The following OXR1 variants were observed in gnomAD, a reference collection of about 807,000 sequenced individuals.
OXR1 encodes the protein oxidation resistance 1.
A neutral mutation model predicts 104.6 loss-of-function variants in OXR1; 41 were observed. That is an observed-to-expected ratio of 0.39 (90% CI 0.31 to 0.51). The LOEUF (loss-of-function observed/expected upper bound fraction) is 0.51, where lower values mean the gene tolerates loss of function less well. Ranked by LOEUF, OXR1 falls within the 20% of genes least tolerant of loss-of-function variation. The pLI, the probability that OXR1 is intolerant of heterozygous loss-of-function variation, is 0.77. For synonymous variants in OXR1, 348 were observed against 348.4 expected (o/e 1.00, Z 0.01); for missense variants, 955 against 1,031.9 (o/e 0.93, Z 1.02).
chr8:106,638,153 C>T (rs987252252), intron 3 of OXR1, among the ~76,000 whole-genome samples: 5 of 152,168 alleles, frequency 3.3e-5, no homozygotes, highest in African/African-American at 1.2e-4. Context: ...AGTCCAGCCT[C>T]CTTAGGCTGA....
intron 2 of OXR1, among the ~76,000 whole-genome samples, chr8:106,402,824 CT>C (rs1382552098): frequency 1.3e-5 from 2 of 151,974 alleles, no homozygotes; most frequent in African/African-American, 4.8e-5. Context: ...TCTTTCTTTT[CT>C]TTTTTTTCTT....
intron 2 of OXR1, among the ~76,000 whole-genome samples, chr8:106,445,758 C>A (rs749845707): frequency 6.6e-6 from 1 of 152,172 alleles, no homozygotes; most frequent in Non-Finnish European, 1.5e-5. Flanking sequence ...ATTCGTACTG[C>A]GAGGCTTTAG....
At chr8:106,738,299 C>T (rs1433929485) in intron 12 of OXR1, among the ~76,000 whole-genome samples, 1 of 151,862 alleles carries the variant, frequency 6.6e-6, no homozygotes, top group African/African-American at 2.4e-5. Context: ...TCTAATGCTG[C>T]CTTGGGTTTC....
Position 106,417,332 on chromosome 8 carries a change from A to G in OXR1, c.23+57696A>G, listed in dbSNP as rs1167776290. On this transcript the variant is annotated intron_variant, in intron 2 of 16. Transcript: ENST00000517566. ...AAATGTGACATGGTTATGAGGATAA[A>G]TTGTGCAAATAACAGAGAATGTACA... 2.6e-5 allele frequency among the ~76,000 whole-genome samples: 4 copies of G among 152,140 alleles called. No individual in the cohort carries two copies. The East Asian group carries it at 7.7e-4, about 29-fold the overall frequency.
intron 7 of OXR1, among the ~76,000 whole-genome samples, chr8:106,693,354 AG>A (rs1396700792): frequency 2.6e-5 from 4 of 151,732 alleles, no homozygotes; most frequent in African/African-American, 9.7e-5. Context: ...CAAAACAGGA[AG>A]GGTTCATAGG....
chr8:106,421,216 A>G (rs1818891512), intron 2 of OXR1, among the ~76,000 whole-genome samples: 1 of 152,160 alleles, frequency 6.6e-6, no homozygotes, highest in South Asian at 2.1e-4. Context: ...CACATTCTAT[A>G]GAACACTAGT....
intron 3 of OXR1, among the ~76,000 whole-genome samples, chr8:106,628,060 G>GA (rs1269747359): frequency 1.3e-5 from 2 of 152,042 alleles, no homozygotes; most frequent in East Asian, 3.9e-4. Flanking sequence ...AAAATTCATT[G>GA]GTTCTCTCCT....
At chr8:106,547,426 A>T (rs1257516196) in intron 3 of OXR1, among the ~76,000 whole-genome samples, 3 of 151,322 alleles carry the variant, frequency 2.0e-5, no homozygotes, top group African/African-American at 7.3e-5. Flanking sequence ...TGGCTTATTC[A>T]GTTAGTATAA....
intron 3 of OXR1, among the ~76,000 whole-genome samples, chr8:106,554,065 A>G (rs577198026): frequency 4.7e-4 from 72 of 152,238 alleles, no homozygotes; most frequent in African/African-American, 1.6e-3. Flanking sequence ...TTGAGTTACC[A>G]TGGGTTGCTG....
At chr8:106,446,139 A>G (rs1051189859) in intron 2 of OXR1, among the ~76,000 whole-genome samples, 1 of 152,186 alleles carries the variant, frequency 6.6e-6, no homozygotes, top group African/African-American at 2.4e-5. Flanking sequence ...CAACCCTGAT[A>G]CCCTCTAGAA....
At position 106,750,521 on chromosome 8, in the gene OXR1, G is replaced by T. The variant is rs556354406; in HGVS notation, c.2487-285G>T. Among the ~76,000 whole-genome samples the T allele has an allele frequency of 8.6e-5, 13 of 151,542 alleles. No individual in the cohort carries two copies. In the South Asian group the frequency reaches 2.3e-3, roughly 27 times the overall value. On this transcript the variant is annotated intron_variant, in intron 16 of 16. Transcript: ENST00000517566. ...TTTTTGTATTTTTTAGTAGAGACAG[G>T]GTTTCTCCATGTTGGTCAGGCTGGT...
chr8:106,565,997 G>A (rs1817042660), intron 3 of OXR1, among the ~76,000 whole-genome samples: 1 of 152,250 alleles, frequency 6.6e-6, no homozygotes, highest in South Asian at 2.1e-4. Context: ...AGATTTAAAT[G>A]TCAGACTCAA....
intron 3 of OXR1, among the ~76,000 whole-genome samples, chr8:106,665,904 G>T (rs942733132): frequency 3.9e-5 from 6 of 151,990 alleles, no homozygotes; most frequent in African/African-American, 1.4e-4. Flanking sequence ...TAAACCTGTT[G>T]CTTAGGCAGC....
At chr8:106,636,481 T>C (rs1823148165) in intron 3 of OXR1, among the ~76,000 whole-genome samples, 1 of 152,134 alleles carries the variant, frequency 6.6e-6, no homozygotes, top group Non-Finnish European at 1.5e-5. Flanking sequence ...AAAACTAAAA[T>C]AAACTCAGCC....
At chr8:106,433,870 A>G (rs1819463121) in intron 2 of OXR1, among the ~76,000 whole-genome samples, 1 of 152,152 alleles carries the variant, frequency 6.6e-6, no homozygotes, top group Non-Finnish European at 1.5e-5. Flanking sequence ...AAAGATAGTT[A>G]CCTTCTTTGT....
intron 1 of OXR1, among the ~76,000 whole-genome samples, chr8:106,309,438 T>G (rs1813604921): frequency 2.0e-5 from 3 of 152,156 alleles, no homozygotes; most frequent in Admixed American, 2.0e-4. Context: ...GACGATAAAT[T>G]AGCAGGAACC....
At chr8:106,750,431 T>C (rs568147327) in intron 16 of OXR1, among the ~76,000 whole-genome samples, 1 of 151,780 alleles carries the variant, frequency 6.6e-6, no homozygotes. Flanking sequence ...GTTCAAGTGC[T>C]TCTCCTGCCT....
chr8:106,460,797 T>A (rs1820866328), intron 2 of OXR1, among the ~76,000 whole-genome samples: 1 of 152,152 alleles, frequency 6.6e-6, no homozygotes, highest in Non-Finnish European at 1.5e-5. Context: ...GACAGATGAC[T>A]GATGGATGAG....
intron 3 of OXR1, among the ~76,000 whole-genome samples, chr8:106,590,275 TTTGTTGTTGTTG>T (rs537746922): frequency 6.6e-6 from 1 of 151,754 alleles, no homozygotes; most frequent in Non-Finnish European, 1.5e-5. Context: ...GTTTTTGGTT[TTTGTTGTTGTTG>T]TTGTTGTTGT....
Sources: allele counts gnomAD v4.1 joint callset (sites outside exome capture counted in the v4.1 genomes callset), GRCh38; gene constraint gnomAD v4.1.1; transcripts MANE v1.5; gene names NCBI Gene and HGNC (gene_info 2026-07-23, HGNC 2026-07-21).